TCERG1: variants seen among roughly 807,000 people sequenced by gnomAD.
The protein encoded by TCERG1 is TATA box binding protein (TBP)-associated factor, RNA polymerase II, S, 150kD.
In TCERG1, 37 loss-of-function variants were observed where a neutral mutation model predicts 144.7. The ratio of observed to expected loss-of-function variants is 0.26; its 90% CI spans 0.20 to 0.34. The LOEUF (loss-of-function observed/expected upper bound fraction) is 0.34. TCERG1 is among the 10% of genes least tolerant of loss of function. The pLI, the probability that TCERG1 is intolerant of heterozygous loss-of-function variation, is 1.00. For synonymous variants in TCERG1, 492 were observed against 458.2 expected, an observed-to-expected ratio of 1.07 and a Z score of -0.94; for missense variants, 1,027 against 1,380.7, an observed-to-expected ratio of 0.74 and a Z score of 4.06.
Position 146,480,090 on chromosome 5 carries a change from C to A in TCERG1, c.1882C>A (p.Arg628=), listed in dbSNP as rs777910501. Residue 628 remains arginine (R), a synonymous_variant, in exon 12 of 23, where the codon CGG becomes AGG. Coordinates refer to ENST00000679501, the MANE Select transcript of TCERG1 (RefSeq NM_001382548.1). ...AGATGAGCCTGTTAAAGCAAAAAAA[C>A]GGAAGTAAGTAATACATACGATTTG... The part of the protein sequence containing the change: ...NEDEPVKAKK[R]KRMSKKSFMW... 1 of 1,592,500 alleles carries A rather than the reference C, an allele frequency of 6.3e-7. No individual in the cohort carries two copies. The highest frequency in any genetic ancestry group is 8.5e-7 in the Non-Finnish European group (1 of 1,169,674).
chr5:146,478,669 G>A lies in TCERG1; in HGVS notation c.1762+16G>A. On this transcript the variant is annotated intron_variant, in intron 10 of 22. Transcript: ENST00000679501. ...AAGAAACTAAGTAAGTTTTAAATTAGGAATTTATCCACTGATTTTAACATT... is the reference window on the plus strand; with the variant it reads ...AAGAAACTAAGTAAGTTTTAAATTAAGAATTTATCCACTGATTTTAACATT... 6.4e-7 allele frequency: 1 copy of A among 1,554,206 alleles called. No homozygotes were observed. Among genetic ancestry groups the A allele is most frequent in the South Asian group, 1.2e-5 (1 of 81,004 alleles).
chr5:146,484,116 C>T (rs1456664757), intron 15 of TCERG1, among the ~76,000 whole-genome samples: 1 of 152,006 alleles, frequency 6.6e-6, no homozygotes, highest in Non-Finnish European at 1.5e-5. Flanking sequence ...TGTGTGTGTC[C>T]TGTAGATAGT....
Position 146,461,959 on chromosome 5 carries a change from T to A in TCERG1, c.893-1592T>A, listed in dbSNP as rs191560892. 8 of 152,762 alleles carry A rather than the reference T, an allele frequency of 5.2e-5. No homozygotes were observed. In the East Asian group the frequency reaches 1.5e-3, roughly 29 times the overall value. The allele number at this position is 152,762 out of a possible 1,614,324, so 9.5% of individuals were successfully genotyped here. A position where few individuals can be genotyped will look rare whatever the true frequency, so the allele number is the denominator to read the frequency against. On this transcript the variant is annotated intron_variant, in intron 4 of 22. Coordinates refer to ENST00000679501, the MANE Select transcript of TCERG1 (RefSeq NM_001382548.1). ...TGTATGGGACTGGGCAAATGTTGCA[T>A]GTACTTTGTATTTTTCACACTGTTA...
At chr5:146,490,246 T>TC in intron 15 of TCERG1, among the ~76,000 whole-genome samples, 1 of 152,170 alleles carries the variant, frequency 6.6e-6, no homozygotes, top group Non-Finnish European at 1.5e-5. Flanking sequence ...GTGGAGGATA[T>TC]GTTCCAAGAC....
At chr5:146,497,739 T>A (rs1165296512) in intron 16 of TCERG1, among the ~76,000 whole-genome samples, 1 of 152,218 alleles carries the variant, frequency 6.6e-6, no homozygotes, top group Non-Finnish European at 1.5e-5. Context: ...GTGTAATATG[T>A]TTCTTTTAGC....
intron 9 of TCERG1, 115 bp downstream of exon 9, chr5:146,471,691 C>G (rs1764323025): frequency 1.4e-6 from 1 of 694,948 alleles, no homozygotes; most frequent in East Asian, 2.9e-5. Context: ...CTCCACCTCC[C>G]TAGTTCAAGC....
intron 9 of TCERG1, among the ~76,000 whole-genome samples, chr5:146,473,350 G>T (rs545684012): frequency 6.6e-6 from 1 of 152,214 alleles, no homozygotes; most frequent in African/African-American, 2.4e-5. Flanking sequence ...TTGGAAGCTA[G>T]TAGAGGTTGG....
intron 15 of TCERG1, among the ~76,000 whole-genome samples, chr5:146,486,220 C>T (rs1765818757): frequency 1.3e-5 from 2 of 152,152 alleles, no homozygotes; most frequent in South Asian, 4.1e-4. Flanking sequence ...ATTTAGAAAA[C>T]ACTAATAACT....
Position 146,507,264 on chromosome 5 carries a change from T to TA in TCERG1, c.2961+60dup. 1 of 1,462,754 alleles carries TA rather than the reference T, an allele frequency of 6.8e-7. No individual in the cohort carries two copies. The highest frequency in any genetic ancestry group is 1.5e-5 in the South Asian group (1 of 67,438). 90.6% of individuals were successfully genotyped at this position (1,462,754 alleles called of 1,614,324 possible). A position where few individuals can be genotyped will look rare whatever the true frequency, so the allele number is the denominator to read the frequency against. On this transcript the variant is annotated intron_variant, in intron 20 of 22. Coordinates refer to ENST00000679501, the MANE Select transcript of TCERG1 (RefSeq NM_001382548.1). The surrounding 1 kb of genome is among the most constrained non-coding windows in gnomAD (Gnocchi z 4.6). The stretch of plus-strand genomic sequence containing the variant: ...TGGATGAATCTTGTTAGTAATTTCT[T>TA]AAAGCAAAGCATTGATATGATTTTT...
Position 146,492,943 on chromosome 5 carries a change from C to G in TCERG1, c.2187C>G (p.Thr729=), listed in dbSNP as rs1189262649. 1 of 1,606,266 alleles carries G rather than the reference C, an allele frequency of 6.2e-7. No individual in the cohort carries two copies. The highest frequency in any genetic ancestry group is 8.5e-7 in the Non-Finnish European group (1 of 1,176,770). The change falls in exon 16 of 23, where the codon ACC becomes ACG. Residue 729 remains threonine, a synonymous_variant. Coordinates refer to ENST00000679501, the MANE Select transcript of TCERG1 (RefSeq NM_001382548.1). The part of the protein sequence containing the change: ...RKQVFDQYVK[T]RAEEERREKK... ...AGGTGTTTGATCAGTATGTAAAGAC[C>G]AGGGCAGAGGAAGAACGCAGGGAAA...
intron 17 of TCERG1, among the ~76,000 whole-genome samples, chr5:146,499,309 AAT>A (rs1398438621): frequency 4.6e-5 from 7 of 152,188 alleles, no homozygotes; most frequent in African/African-American, 1.7e-4. Context: ...AATGTAGAAA[AAT>A]AACCTCTGGA....
At chr5:146,460,396 G>A (rs1174685836) in intron 4 of TCERG1, among the ~76,000 whole-genome samples, 1 of 146,940 alleles carries the variant, frequency 6.8e-6, no homozygotes, top group Non-Finnish European at 1.5e-5. Context: ...TCTGCAGGTT[G>A]AGACTAAGCC....
intron 1 of TCERG1, among the ~76,000 whole-genome samples, chr5:146,452,935 A>G (rs1246019347): frequency 7.2e-5 from 11 of 152,172 alleles, no homozygotes; most frequent in Non-Finnish European, 1.6e-4. Flanking sequence ...GCCTTGGACA[A>G]GTGACTTCTT....
chr5:146,509,024 C>A (rs534630791), intron 21 of TCERG1, 121 bp from the exon 22 acceptor site: 1 of 496,208 alleles, frequency 2.0e-6, no homozygotes, highest in Admixed American at 4.0e-5. Flanking sequence ...TTGCCTTTTT[C>A]TTTTGAATTT....
In TCERG1 at chr5:146,469,648, T is replaced by A; in HGVS notation, c.1303T>A (p.Trp435Arg). ...TLAGATAVSE[W>R]TEYKTADGKT... ...AGCTGGAGCAACAGCAGTTTCTGAA[T>A]GGACTGAATATAAAACAGCAGATGG... is the stretch of plus-strand genomic sequence containing the variant. The change falls in exon 7 of 23, where the codon TGG becomes AGG. Residue 435 changes from tryptophan to arginine, a missense_variant. Transcript: ENST00000679501. The A allele has an allele frequency of 6.2e-7, 1 of 1,613,622 alleles. No homozygotes were observed.
intron 17 of TCERG1, among the ~76,000 whole-genome samples, chr5:146,499,315 C>T (rs948884937): frequency 3.3e-5 from 5 of 152,188 alleles, no homozygotes; most frequent in African/African-American, 1.2e-4. Flanking sequence ...GAAAAATAAC[C>T]TCTGGAGCCT....
At chr5:146,470,290 C>G (rs1764167764) in intron 7 of TCERG1, among the ~76,000 whole-genome samples, 1 of 152,128 alleles carries the variant, frequency 6.6e-6, no homozygotes, top group Non-Finnish European at 1.5e-5. Flanking sequence ...AGGTATGTGT[C>G]ATTGTGCCCA....
intron 5 of TCERG1, 57 bp from the exon 6 acceptor site, chr5:146,468,284 T>C: frequency 7.4e-7 from 1 of 1,346,082 alleles, no homozygotes; most frequent in Non-Finnish European, 1.0e-6. Context: ...TGAATCCCAG[T>C]GGTAGCCGAC....
At position 146,498,659 on chromosome 5, in the gene TCERG1, A is replaced by G. The variant is rs150415220; in HGVS notation, c.2406A>G (p.Lys802=). The G allele has an allele frequency of 6.5e-4, 1,051 of 1,612,006 alleles. No individual in the cohort carries two copies. The highest frequency in any genetic ancestry group is 8.5e-4 in the Non-Finnish European group (1,005 of 1,179,170). ...EFVAAARKKE[K]EDSKTRGEKI... Reference sequence around the variant, plus strand: ...TGGCCGCTGCTAGGAAGAAAGAGAAAGAAGATTCGAAGACCAGAGGTGAGA... The same window carrying G: ...TGGCCGCTGCTAGGAAGAAAGAGAAGGAAGATTCGAAGACCAGAGGTGAGA... Residue 802 remains lysine, a synonymous_variant, in exon 17 of 23, where the codon AAA becomes AAG. Coordinates refer to ENST00000679501, the MANE Select transcript of TCERG1 (RefSeq NM_001382548.1).
Sources: allele counts gnomAD v4.1 joint callset (sites outside exome capture counted in the v4.1 genomes callset), GRCh38; gene constraint gnomAD v4.1.1; non-coding constraint Gnocchi (gnomAD v3.1); transcripts MANE v1.5; gene names NCBI Gene and HGNC (gene_info 2026-07-23, HGNC 2026-07-21).